The following SYTL3 variants were observed in gnomAD, a reference collection of about 807,000 sequenced individuals.
SYTL3 encodes synaptotagmin-like protein 3.
A neutral mutation model predicts 82.1 loss-of-function variants in SYTL3; 88 were observed. The observed-to-expected ratio is 1.07, with a 90% CI of 0.90 to 1.28. The LOEUF (loss-of-function observed/expected upper bound fraction) is 1.28. Among genes scored for constraint, SYTL3 ranks in the 50% most tolerant of loss-of-function variants. The pLI is 0.00. For synonymous variants in SYTL3, 311 were observed against 289.4 expected (o/e 1.07, Z -0.76); for missense variants, 831 against 757.6 (o/e 1.10, Z -1.14).
In SYTL3 at chr6:158,757,384, G is replaced by C; in HGVS notation, c.1308+3G>C. ...GCTGGCATCCGCTCCGGGCCAAGGT[G>C]ATGTCTGGTTTTGGACTGAGTGCCC... is the stretch of plus-strand genomic sequence containing the variant. On this transcript the variant is annotated splice_donor_region_variant and intron_variant, in intron 14 of 17. Coordinates refer to ENST00000611299, the MANE Select transcript of SYTL3 (RefSeq NM_001242394.2). 7 of 1,613,802 alleles carry C rather than the reference G, an allele frequency of 4.3e-6. No homozygotes were observed. Among genetic ancestry groups the C allele is most frequent in the Non-Finnish European group, 5.9e-6 (7 of 1,179,864 alleles).
At chr6:158,721,622 C>T (rs1021443937) in intron 10 of SYTL3, among the ~76,000 whole-genome samples, 2 of 151,660 alleles carry the variant, frequency 1.3e-5, no homozygotes, top group Admixed American at 6.6e-5. Flanking sequence ...AAGGAGTACA[C>T]TTCTATTTAT....
At position 158,745,508 on chromosome 6, in the gene SYTL3, G is replaced by A. The variant is rs746009513; in HGVS notation, c.884G>A (p.Cys295Tyr). The change falls in exon 12 of 18, where the codon TGT becomes TAT. Residue 295 changes from cysteine (C) to tyrosine (Y), a missense_variant. Transcript: ENST00000611299. ...HGSLISIDST[C>Y]TEMGNFDNAN... ...AGTTTAATTAGCATTGACAGCACCT[G>A]TACAGAGATGGGCAATTTTGACAAT... 6 of 1,613,100 alleles carry A rather than the reference G, an allele frequency of 3.7e-6. No individual in the cohort carries two copies. In the East Asian group the frequency reaches 8.9e-5, roughly 24 times the overall value.
intron 16 of SYTL3, 122 bp from the exon 17 acceptor site, chr6:158,763,182 A>C: frequency 1.2e-6 from 1 of 868,640 alleles, no homozygotes; most frequent in Non-Finnish European, 1.9e-6. Context: ...TTCACTGGGG[A>C]GGGTGTGGAT....
At chr6:158,683,820 T>C (rs1363865717) in intron 6 of SYTL3, among the ~76,000 whole-genome samples, 1 of 152,332 alleles carries the variant, frequency 6.6e-6, no homozygotes, top group Admixed American at 6.5e-5. Flanking sequence ...GCGTTTGAAC[T>C]GAGCAGAGGT....
chr6:158,760,502 C>T (rs766522896), intron 14 of SYTL3, 138 bp from the exon 15 acceptor site: 19 of 678,832 alleles, frequency 2.8e-5, no homozygotes, highest in East Asian at 7.9e-5. Flanking sequence ...AGTCCTGCCA[C>T]GGACACACCT....
At chr6:158,723,089 CTTTTTTTTTT>C (rs745395918) in intron 10 of SYTL3, among the ~76,000 whole-genome samples, 3 of 89,862 alleles carry the variant, frequency 3.3e-5, no homozygotes, top group Admixed American at 1.2e-4. Context: ...AACAGCTACT[CTTTTTTTTTT>C]TTTTTTTTTT....
intron 6 of SYTL3, among the ~76,000 whole-genome samples, chr6:158,690,496 G>T (rs1191795286): frequency 2.0e-5 from 3 of 152,018 alleles, no homozygotes; most frequent in Non-Finnish European, 4.4e-5. Context: ...TTGGATATGT[G>T]CAATTTAAGA....
At chr6:158,672,143 T>A (rs1407900659) in intron 5 of SYTL3, among the ~76,000 whole-genome samples, 18 of 151,920 alleles carry the variant, frequency 1.2e-4, no homozygotes, top group Admixed American at 1.2e-3. Flanking sequence ...TACAAAAAAT[T>A]AGGTGGGCAT....
intron 5 of SYTL3, among the ~76,000 whole-genome samples, chr6:158,673,106 T>C (rs535823843): frequency 1.8e-4 from 28 of 152,280 alleles, no homozygotes; most frequent in African/African-American, 6.5e-4. Flanking sequence ...GATATAGATA[T>C]GTTTTAAGAC....
chr6:158,714,666 G>A (rs919535705), intron 9 of SYTL3, among the ~76,000 whole-genome samples: 2 of 152,164 alleles, frequency 1.3e-5, no homozygotes, highest in Non-Finnish European at 2.9e-5. Flanking sequence ...AAGATGCCCA[G>A]GGCTGGTCAG....
chr6:158,742,130 T>G (rs965036115), intron 11 of SYTL3, among the ~76,000 whole-genome samples: 2 of 152,212 alleles, frequency 1.3e-5, no homozygotes, highest in African/African-American at 4.8e-5. Flanking sequence ...TCTAACATCA[T>G]TTCCATAGTC....
intron 14 of SYTL3, among the ~76,000 whole-genome samples, chr6:158,759,042 C>T (rs1183229298): frequency 2.0e-5 from 3 of 152,310 alleles, no homozygotes; most frequent in African/African-American, 4.8e-5. Flanking sequence ...GCCTGAACTC[C>T]TTCTGTCCGA....
chr6:158,718,903 C>T (rs549241851), intron 10 of SYTL3, among the ~76,000 whole-genome samples: 1 of 152,282 alleles, frequency 6.6e-6, no homozygotes, highest in Admixed American at 6.5e-5. Flanking sequence ...ACTGGTGTCC[C>T]TTCTCTGCTG....
chr6:158,733,922 C>T (rs540707207), intron 11 of SYTL3, among the ~76,000 whole-genome samples: 16 of 150,898 alleles, frequency 1.1e-4, no homozygotes, highest in African/African-American at 3.6e-4. Flanking sequence ...ACGGTGAAAC[C>T]CCGTCTCTAC....
intron 5 of SYTL3, among the ~76,000 whole-genome samples, 175 bp downstream of exon 5, chr6:158,665,788 A>T (rs562118577): frequency 1.3e-5 from 2 of 152,198 alleles, no homozygotes; most frequent in African/African-American, 4.8e-5. Context: ...TCCAAAAATA[A>T]ATTTTATGTA....
At chr6:158,756,908 G>A (rs563840571) in intron 13 of SYTL3, among the ~76,000 whole-genome samples, 19 of 151,486 alleles carry the variant, frequency 1.3e-4, no homozygotes, top group Non-Finnish European at 2.5e-4. Flanking sequence ...AGGAATTGGG[G>A]GTGGGAGGCT....
rs188228999 is a variant in SYTL3 at position 158,743,051 on chromosome 6, C to T, written c.856-2429C>T. Reference sequence around the variant, plus strand: ...TCGTAGCCTTGAATGCTGATTTTGCCCCCCAGTCCCGTTAGACTGCTGAAA... The same window carrying T: ...TCGTAGCCTTGAATGCTGATTTTGCTCCCCAGTCCCGTTAGACTGCTGAAA... On this transcript the variant is annotated intron_variant, in intron 11 of 17. Transcript: ENST00000611299. Among the ~76,000 whole-genome samples, 7 of 152,150 alleles carry T rather than the reference C, an allele frequency of 4.6e-5. No individual in the cohort carries two copies. In the East Asian group the frequency reaches 1.2e-3, roughly 26 times the overall value.
At chr6:158,742,011 C>T (rs1290048125) in intron 11 of SYTL3, among the ~76,000 whole-genome samples, 1 of 152,234 alleles carries the variant, frequency 6.6e-6, no homozygotes, top group Non-Finnish European at 1.5e-5. Context: ...GCCCCTACTG[C>T]ACTGTATGTT....
chr6:158,692,062 C>T (rs1456396967), intron 6 of SYTL3, among the ~76,000 whole-genome samples: 3 of 146,294 alleles, frequency 2.1e-5, no homozygotes, highest in Non-Finnish European at 4.5e-5. Flanking sequence ...TCGAGACCAT[C>T]CTGGCTAACA....
Sources: allele counts gnomAD v4.1 joint callset (sites outside exome capture counted in the v4.1 genomes callset), GRCh38; gene constraint gnomAD v4.1.1; transcripts MANE v1.5; gene names NCBI Gene and HGNC (gene_info 2026-07-23, HGNC 2026-07-21).